The following PHF19 variants were observed in gnomAD, a reference collection of about 807,000 sequenced individuals.
The protein encoded by PHF19 is PHD finger protein 19.
PHF19 carries 21 observed loss-of-function variants against 79.8 expected under a neutral mutation model. That is an observed-to-expected ratio of 0.26 (90% CI 0.19 to 0.38). The LOEUF (loss-of-function observed/expected upper bound fraction) is 0.38, where lower values mean the gene tolerates loss of function less well. PHF19 is among the 10% of genes least tolerant of loss of function. The pLI, the probability that PHF19 is intolerant of heterozygous loss-of-function variation, is 1.00. For synonymous variants in PHF19, 273 were observed against 296.3 expected, an observed-to-expected ratio of 0.92 and a Z score of 0.81; for missense variants, 445 against 744.2, an observed-to-expected ratio of 0.60 and a Z score of 4.68.
intron 1 of PHF19, chr9:120,894,671 G>T: frequency 2.7e-6 from 1 of 369,384 alleles, no homozygotes; most frequent in Non-Finnish European, 4.5e-6. Flanking sequence ...CCGCGCGTTT[G>T]GAATGCGAGC....
intron 1 of PHF19, among the ~76,000 whole-genome samples, chr9:120,893,818 G>A (rs977012885): frequency 1.3e-5 from 2 of 152,222 alleles, no homozygotes; most frequent in African/African-American, 2.4e-5. Context: ...TGCGATGGAA[G>A]GTGGTCTATG....
Position 120,869,562 on chromosome 9 carries a change from A to G in PHF19, c.466-232T>C, listed in dbSNP as rs1249882411. ...GAGTAATAAGCGCAATAAAGGCAAC[A>G]ATTACCAACATGTATTTACATGGAT... On this transcript the variant is annotated intron_variant, in intron 5 of 14. Transcript: ENST00000373896. This position sits in a 1 kb window ranked among gnomAD's most constrained non-coding sequence, Gnocchi z 5.8. 1 of 1,451,878 alleles carries G rather than the reference A, an allele frequency of 6.9e-7. No homozygotes were observed. Among genetic ancestry groups the G allele is most frequent in the Non-Finnish European group, 9.1e-7 (1 of 1,104,420 alleles). 89.9% of individuals were successfully genotyped at this position (1,451,878 alleles called of 1,614,324 possible).
intron 1 of PHF19, chr9:120,876,880 G>T: frequency 3.8e-6 from 2 of 531,922 alleles, no homozygotes; most frequent in Non-Finnish European, 4.8e-6. Flanking sequence ...TGTCACCCAT[G>T]CCCCCCGGGG....
Position 120,860,997 on chromosome 9 carries a change from A to G in PHF19, c.1304+92T>C, listed in dbSNP as rs1036416411. On this transcript the variant is annotated intron_variant, in intron 13 of 14. Coordinates refer to ENST00000373896, the MANE Select transcript of PHF19 (RefSeq NM_015651.3). This position sits in a 1 kb window ranked among gnomAD's most constrained non-coding sequence, Gnocchi z 4.1. ...AAAGCCCCTTCAGACAGACCTGCAC[A>G]GCAGGGATCCTTTTAACTGAGGGCT... 3 of 802,336 alleles carry G rather than the reference A, an allele frequency of 3.7e-6. No individual in the cohort carries two copies. In the African/African-American group the frequency reaches 5.0e-5, roughly 13 times the overall value. 49.7% of individuals were successfully genotyped at this position (802,336 alleles called of 1,614,324 possible).
chr9:120,864,032 C>T lies in PHF19; in HGVS notation c.968+17G>A. On this transcript the variant is annotated intron_variant, in intron 10 of 14. Transcript: ENST00000373896. ...TGTAGAGGGCCCCACCACACTCCCT[C>T]CCCTCCCTGCACGCACCGGCTTTTA... is the stretch of plus-strand genomic sequence containing the variant. The T allele has an allele frequency of 6.2e-7, 1 of 1,608,262 alleles. No individual in the cohort carries two copies. The highest frequency in any genetic ancestry group is 8.5e-7 in the Non-Finnish European group (1 of 1,175,912).
At chr9:120,879,730 G>A (rs918659548), upstream of PHF19, among the ~76,000 whole-genome samples, 5 of 152,188 alleles carry the variant, frequency 3.3e-5, no homozygotes, top group South Asian at 2.1e-4. Flanking sequence ...CAAGTTTCCC[G>A]GAAAAAGTAG....
intron 1 of PHF19, among the ~76,000 whole-genome samples, chr9:120,892,343 T>A (rs1363760431): frequency 6.6e-6 from 1 of 151,410 alleles, no homozygotes; most frequent in Non-Finnish European, 1.5e-5. Context: ...GGAGTAGGAG[T>A]GGGGAGGCGG....
chr9:120,868,742 C>T, intron 6 of PHF19: 1 of 755,440 alleles, frequency 1.3e-6, no homozygotes, highest in Non-Finnish European at 1.6e-6. Flanking sequence ...GGTCCTGTTC[C>T]CGAGGCCTTA....
intron 1 of PHF19, among the ~76,000 whole-genome samples, chr9:120,894,583 G>C (rs1412779641): frequency 6.6e-6 from 1 of 151,978 alleles, no homozygotes; most frequent in Non-Finnish European, 1.5e-5. Flanking sequence ...GGAGGCCCCT[G>C]ATAGGGCGCG....
In PHF19 at chr9:120,857,218, G is replaced by A. The variant is rs1360419715; in HGVS notation, c.*726C>T. 3 of 151,256 alleles carry A rather than the reference G, an allele frequency of 2.0e-5. No individual in the cohort carries two copies. Among genetic ancestry groups the A allele is most frequent in the Non-Finnish European group, 2.9e-5 (2 of 67,882 alleles). The allele number at this position is 151,256 out of a possible 1,614,324, so 9.4% of individuals were successfully genotyped here. ...CCAGCTCTATGGCGACTGAGGGGGT[G>A]AGGCCAGAGAACAGAAGACTTCTGG... On this transcript the variant is annotated 3_prime_UTR_variant, in exon 15 of 15. Transcript: ENST00000373896.
At chr9:120,890,456 GA>G in intron 1 of PHF19, among the ~76,000 whole-genome samples, 1 of 152,034 alleles carries the variant, frequency 6.6e-6, no homozygotes, top group Non-Finnish European at 1.5e-5. Context: ...GCTGTTGGGG[GA>G]TGCAGGCCGG....
At chr9:120,887,528 G>A (rs1473837382) in intron 1 of PHF19, among the ~76,000 whole-genome samples, 2 of 152,156 alleles carry the variant, frequency 1.3e-5, no homozygotes, top group African/African-American at 4.8e-5. Context: ...TTCCTGCTGA[G>A]TCGCCAGCCT....
chr9:120,898,691 C>A (rs973983071), upstream of PHF19, among the ~76,000 whole-genome samples: 1 of 152,240 alleles, frequency 6.6e-6, no homozygotes, highest in African/African-American at 2.4e-5. Context: ...CTGGCATAAA[C>A]TGATCTTGGT....
the PHF19 span, among the ~76,000 whole-genome samples, chr9:120,900,083 T>A: frequency 6.6e-6 from 1 of 151,516 alleles, no homozygotes; most frequent in Non-Finnish European, 1.5e-5. Flanking sequence ...ACATCCTGGG[T>A]TCAAGTGATT....
At chr9:120,867,677 G>T (rs1269144665) in intron 6 of PHF19, among the ~76,000 whole-genome samples, 5 of 152,206 alleles carry the variant, frequency 3.3e-5, no homozygotes, top group African/African-American at 7.2e-5. Context: ...GTTTCCATAA[G>T]CATTTCTCCA....
intron 9 of PHF19, among the ~76,000 whole-genome samples, chr9:120,865,019 A>G (rs1048534628): frequency 1.3e-5 from 2 of 152,186 alleles, no homozygotes; most frequent in East Asian, 1.9e-4. Flanking sequence ...TATAATATCT[A>G]TTTTTTTAAA....
intron 3 of PHF19, among the ~76,000 whole-genome samples, chr9:120,871,240 T>C (rs1197017615): frequency 1.3e-5 from 2 of 152,206 alleles, no homozygotes. Flanking sequence ...TCATCACTTA[T>C]GAACTCATGG....
rs768753667 is a variant in PHF19 at position 120,861,985 on chromosome 9, T to C, written c.1151A>G (p.Gln384Arg). Residue 384 changes from glutamine (Q) to arginine (R), a missense_variant, in exon 12 of 15, where the codon CAG becomes CGG. Physicochemically the swap from Gln to Arg is conservative, Grantham distance 43. Coordinates refer to ENST00000373896, the MANE Select transcript of PHF19 (RefSeq NM_015651.3). Reference sequence around the variant, plus strand: ...TCTATAAACTCGCCTTTTCTGCTGCTGGAATTCGTGAGGCAACAAACTGTG... The same window carrying C: ...TCTATAAACTCGCCTTTTCTGCTGCCGGAATTCGTGAGGCAACAAACTGTG... ...SKPGLLPHEF[Q>R]QQKRRVYRRK... is the part of the protein sequence containing the mutation. The C allele has an allele frequency of 6.2e-7, 1 of 1,613,710 alleles. No homozygotes were observed. Among genetic ancestry groups the C allele is most frequent in the East Asian group, 2.2e-5 (1 of 44,884 alleles).
In PHF19 at chr9:120,874,596, C is replaced by T. The variant is rs772194061; in HGVS notation, c.146G>A (p.Arg49Gln). 7 of 1,613,684 alleles carry T rather than the reference C, an allele frequency of 4.3e-6. No homozygotes were observed. Among genetic ancestry groups the T allele is most frequent in the African/African-American group, 2.7e-5 (2 of 74,894 alleles). ...KLTEGQYVLC[R>Q]WTDGLYYLGK... is the part of the protein sequence containing the mutation. Reference sequence around the variant, plus strand: ...GAGGTAGTACAGGCCATCTGTCCACCGGCACAGCACATACTGGCCCTCCGT... The same window carrying T: ...GAGGTAGTACAGGCCATCTGTCCACTGGCACAGCACATACTGGCCCTCCGT... Residue 49 changes from arginine to glutamine, a missense_variant, in exon 2 of 15, where the codon CGG becomes CAG. Arg to Gln is a conservative substitution (Grantham distance 43, BLOSUM62 1). Around this residue, in one of 5 missense-constraint regions of PHF19, gnomAD observed 167 missense variants for 375.8 expected, o/e 0.44. Coordinates refer to ENST00000373896, the MANE Select transcript of PHF19 (RefSeq NM_015651.3). This position sits in a 1 kb window ranked among gnomAD's most constrained non-coding sequence, Gnocchi z 4.5.
Sources: allele counts gnomAD v4.1 joint callset (sites outside exome capture counted in the v4.1 genomes callset), GRCh38; gene constraint gnomAD v4.1.1; regional missense constraint gnomAD v4.1.1; non-coding constraint Gnocchi (gnomAD v3.1); transcripts MANE v1.5; gene names NCBI Gene and HGNC (gene_info 2026-07-23, HGNC 2026-07-21).